LRRC75B: variants seen among roughly 807,000 people sequenced by gnomAD.
LRRC75B encodes leucine rich repeat containing 75B, also known as leucine-rich repeat-containing protein 75B.
In LRRC75B, 20 loss-of-function variants were observed where a neutral mutation model predicts 16.5. That is an observed-to-expected ratio of 1.21 (90% CI 0.85 to 1.76). The LOEUF is 1.76. Among genes scored for constraint, LRRC75B ranks in the 40% most tolerant of loss-of-function variants. The pLI, the probability that LRRC75B is intolerant of heterozygous loss-of-function variation, is 0.00. For missense variants in LRRC75B, 406 were observed against 417.0 expected (o/e 0.97, Z 0.23); for synonymous variants, 199 against 198.1 (o/e 1.00, Z -0.04).
In LRRC75B at chr22:24,590,945, G is replaced by A. The variant is rs892771511; in HGVS notation, c.178-996C>T. ...TCCCCACCACTCCTGCCAAGATTCA[G>A]GCCTCCAGCCTCCTCTCCTACCCAT... On this transcript the variant is annotated intron_variant, in intron 1 of 3. Transcript: ENST00000318753. 2.6e-5 allele frequency among the ~76,000 whole-genome samples: 4 copies of A among 152,074 alleles called. No individual in the cohort carries two copies. In the East Asian group the frequency reaches 5.8e-4, roughly 22 times the overall value.
Position 24,589,877 on chromosome 22 carries a change from G to A in LRRC75B, c.250C>T (p.Pro84Ser). Reference sequence around the variant, plus strand: ...TTCACAAGCAGGTCATGGGAGATGGGGTCGACCGGGTTGAGGAAGGCCACA... The same window carrying A: ...TTCACAAGCAGGTCATGGGAGATGGAGTCGACCGGGTTGAGGAAGGCCACA... ...RDVAFLNPVDPISHDLLVNLA... is the reference protein window; with the variant it reads ...RDVAFLNPVDSISHDLLVNLA... Residue 84 changes from proline (P) to serine (S), a missense_variant, in exon 2 of 4, where the codon CCC becomes TCC. Physicochemically the swap from Pro to Ser is moderately conservative, Grantham distance 74. Transcript: ENST00000318753. 2 of 1,613,924 alleles carry A rather than the reference G, an allele frequency of 1.2e-6. No individual in the cohort carries two copies. The highest frequency in any genetic ancestry group is 1.1e-5 in the South Asian group (1 of 91,030).
At chr22:24,586,717 G>A (rs1397772621) in intron 3 of LRRC75B, among the ~76,000 whole-genome samples, 2 of 152,214 alleles carry the variant, frequency 1.3e-5, no homozygotes, top group African/African-American at 2.4e-5. Flanking sequence ...TTTTAGTAGA[G>A]GCGGGGTTTC....
chr22:24,589,872 G>T lies in LRRC75B; in HGVS notation c.255C>A (p.Ile85=), dbSNP rs61737674. The change falls in exon 2 of 4, where the codon ATC becomes ATA. Residue 85 remains isoleucine, a synonymous_variant. Transcript: ENST00000318753. The stretch of plus-strand genomic sequence containing the variant: ...CCAGGTTCACAAGCAGGTCATGGGA[G>T]ATGGGGTCGACCGGGTTGAGGAAGG... ...DVAFLNPVDP[I]SHDLLVNLAR... is the part of the protein sequence containing the mutation. 9.9e-3 allele frequency: 16,048 copies of T among 1,613,868 alleles called. 1,371 individuals carry two copies. The African/African-American group carries it at 0.19, about 19-fold the overall frequency.
Position 24,586,363 on chromosome 22 carries a change from G to GTCCACA in LRRC75B, c.465_470dup (p.Val156_Asp157dup). On this transcript the variant is annotated inframe_insertion, in exon 4 of 4. Transcript: ENST00000318753. ...GTGTCGACAGCGGGATGCCTGAGAG[G>GTCCACA]TCCACAGTCTCCCCTGCCAGCAGAG... The GTCCACA allele has an allele frequency of 6.2e-7, 1 of 1,613,858 alleles. No homozygotes were observed. The highest frequency in any genetic ancestry group is 8.5e-7 in the Non-Finnish European group (1 of 1,180,016).
At chr22:24,588,687 G>T (rs2045477109) in intron 2 of LRRC75B, 1 of 1,103,828 alleles carries the variant, frequency 9.1e-7, no homozygotes, top group Non-Finnish European at 1.1e-6. Context: ...GCCACAGGGG[G>T]AGGAGGCCAG....
chr22:24,590,536 T>C (rs2045538234), intron 1 of LRRC75B, among the ~76,000 whole-genome samples: 1 of 152,172 alleles, frequency 6.6e-6, no homozygotes, highest in Non-Finnish European at 1.5e-5. Context: ...CACTGCCTTC[T>C]CTGGGGTTAG....
At position 24,585,939 on chromosome 22, in the gene LRRC75B, C is replaced by G; in HGVS notation, c.895G>C (p.Asp299His). 6.2e-7 allele frequency: 1 copy of G among 1,608,928 alleles called. No individual in the cohort carries two copies. ...AGATTPASTW[D>H]STAAGLGPEP... is the part of the protein sequence containing the mutation. Reference sequence around the variant, plus strand: ...GGTCCCAGCCCAGCAGCTGTGGAGTCCCAGGTGGAGGCAGGGGTGGTGGCC... The same window carrying G: ...GGTCCCAGCCCAGCAGCTGTGGAGTGCCAGGTGGAGGCAGGGGTGGTGGCC... Residue 299 changes from aspartate (D) to histidine (H), a missense_variant, in exon 4 of 4, where the codon GAC becomes CAC. By Grantham distance (81) the Asp-to-His change is moderately conservative. Transcript: ENST00000318753.
chr22:24,592,405 G>A (rs1470015000), intron 1 of LRRC75B: 3 of 470,614 alleles, frequency 6.4e-6, no homozygotes, highest in Non-Finnish European at 1.3e-5. Context: ...TCTCTCCAGG[G>A]TCCACTGTCT....
In LRRC75B at chr22:24,585,929, G is replaced by A. The variant is rs1357800268; in HGVS notation, c.905C>T (p.Ala302Val). ...TTPASTWDST[A>V]AGLGPEPQAC... ...CTGGGGCTCGGGTCCCAGCCCAGCA[G>A]CTGTGGAGTCCCAGGTGGAGGCAGG... The change falls in exon 4 of 4, where the codon GCT becomes GTT. Residue 302 changes from alanine (A) to valine (V), a missense_variant. Transcript: ENST00000318753. The A allele has an allele frequency of 1.9e-6, 3 of 1,607,360 alleles. No homozygotes were observed. Among genetic ancestry groups the A allele is most frequent in the Non-Finnish European group, 2.5e-6 (3 of 1,178,654 alleles).
In LRRC75B at chr22:24,585,859, G is replaced by A. The variant is rs1316775903; in HGVS notation, c.*27C>T. 1 of 1,540,326 alleles carries A rather than the reference G, an allele frequency of 6.5e-7. No individual in the cohort carries two copies. The highest frequency in any genetic ancestry group is 8.7e-7 in the Non-Finnish European group (1 of 1,145,306). ...ATGTGCTTGAGAGCATCACAAGTCA[G>A]TAGCAATGAGCCAGGTGGGTGGTGG... On this transcript the variant is annotated 3_prime_UTR_variant, in exon 4 of 4. Coordinates refer to ENST00000318753, the MANE Select transcript of LRRC75B (RefSeq NM_207644.3).
intron 3 of LRRC75B, among the ~76,000 whole-genome samples, chr22:24,587,229 G>A (rs2045421273): frequency 6.6e-6 from 1 of 152,206 alleles, no homozygotes; most frequent in South Asian, 2.1e-4. Context: ...AGAGGGACAG[G>A]CCCACAGTAG....
intron 1 of LRRC75B, chr22:24,592,161 T>C (rs1048716392): frequency 1.1e-4 from 44 of 392,378 alleles, no homozygotes; most frequent in Admixed American, 1.0e-3. Context: ...GCCCAGGTGA[T>C]TGGGGGGACC....
At chr22:24,588,618 G>A in intron 2 of LRRC75B, 1 of 1,057,530 alleles carries the variant, frequency 9.5e-7, no homozygotes, top group Non-Finnish European at 1.2e-6. Context: ...CGGGCCCAGG[G>A]CCAGCGTCTC....
At chr22:24,590,058 T>C in intron 1 of LRRC75B, 109 bp from the exon 2 acceptor site, 1 of 1,280,370 alleles carries the variant, frequency 7.8e-7, no homozygotes, top group Non-Finnish European at 1.0e-6. Flanking sequence ...CTCCATCTCC[T>C]CCCTAAGGCT....
chr22:24,588,517 G>A (rs1193438650), intron 2 of LRRC75B, 188 bp from the exon 3 acceptor site: 1 of 756,964 alleles, frequency 1.3e-6, no homozygotes, highest in Non-Finnish European at 2.1e-6. Flanking sequence ...AGAGCCAGGG[G>A]AGGCTGCCCT....
At position 24,589,266 on chromosome 22, in the gene LRRC75B, C is replaced by A. The variant is rs182082921; in HGVS notation, c.306+555G>T. 2.1e-5 allele frequency: 26 copies of A among 1,261,606 alleles called. No homozygotes were observed. In the Admixed American group the frequency reaches 5.9e-4, roughly 29 times the overall value. The allele number at this position is 1,261,606 out of a possible 1,614,324, so 78.2% of individuals were successfully genotyped here. ...GCTGTCAGCATGGGGTTCTGGGCAGCTGTGGGGTGGAGGCTGCAGGTGGCA... is the reference window on the plus strand; with the variant it reads ...GCTGTCAGCATGGGGTTCTGGGCAGATGTGGGGTGGAGGCTGCAGGTGGCA... On this transcript the variant is annotated intron_variant, in intron 2 of 3. Coordinates refer to ENST00000318753, the MANE Select transcript of LRRC75B (RefSeq NM_207644.3).
intron 3 of LRRC75B, among the ~76,000 whole-genome samples, chr22:24,587,811 C>T (rs1390916474): frequency 6.6e-6 from 1 of 152,192 alleles, no homozygotes; most frequent in Non-Finnish European, 1.5e-5. Flanking sequence ...GAACCTGTTT[C>T]CTTCCCTCTA....
Position 24,586,043 on chromosome 22 carries a change from C to T in LRRC75B, c.791G>A (p.Arg264His), listed in dbSNP as rs142329748. ...TGAGGTGCGCTGGCTCAGCCGCCGG[C>T]GCAGGCCGACCAGCAGGGGCTGGGG... ...SLPQPLLVGL[R>H]RRLSQRTSLP... is the part of the protein sequence containing the mutation. Residue 264 changes from arginine (R) to histidine (H), a missense_variant, in exon 4 of 4, where the codon CGC becomes CAC. Physicochemically the swap from Arg to His is conservative, Grantham distance 29. Transcript: ENST00000318753. 700 of 1,611,354 alleles carry T rather than the reference C, an allele frequency of 4.3e-4. 2 individuals carry two copies. In the African/African-American group the frequency reaches 7.8e-3, roughly 18 times the overall value.
chr22:24,589,462 T>A, intron 2 of LRRC75B: 1 of 744,546 alleles, frequency 1.3e-6, no homozygotes, highest in Non-Finnish European at 1.7e-6. Context: ...GGCTAGGAGT[T>A]TGTTTCCGTT....
Sources: gnomAD v4.1 joint callset for allele counts (sites outside exome capture counted in the v4.1 genomes callset) on GRCh38, gnomAD v4.1.1 for gene constraint, MANE v1.5 for transcripts, NCBI Gene and HGNC (gene_info 2026-07-23, HGNC 2026-07-21) for gene names.